The following TRMT11 variants were observed in gnomAD, a reference collection of about 807,000 sequenced individuals.
TRMT11 encodes the protein tRNA methyltransferase 11, also known as tRNA (guanine(10)-N(2))-methyltransferase TRMT11.
TRMT11 carries 53 observed loss-of-function variants against 62.8 expected under a neutral mutation model. The observed-to-expected ratio is 0.84, with a 90% CI of 0.68 to 1.06. The LOEUF is 1.06. Ranked by LOEUF, TRMT11 falls within the 50% of genes least tolerant of loss-of-function variation. The probability of loss-of-function intolerance (pLI) is 0.00; values close to 1 mark genes in which losing one functional copy is unlikely to be tolerated. For synonymous variants in TRMT11, 188 were observed against 190.3 expected (o/e 0.99, Z 0.10); for missense variants, 556 against 553.4 (o/e 1.00, Z -0.05).
chr6:126,221,663 A>G, the TRMT11 span, among the ~76,000 whole-genome samples: 2 of 152,158 alleles, frequency 1.3e-5, no homozygotes, highest in Non-Finnish European at 2.9e-5. Flanking sequence ...TGTTGGATGC[A>G]TAGTTTGCAA....
downstream of TRMT11, among the ~76,000 whole-genome samples, chr6:126,207,396 G>A (rs979058111): frequency 6.6e-6 from 1 of 152,184 alleles, no homozygotes; most frequent in Admixed American, 6.5e-5. Flanking sequence ...GATGGGAGAT[G>A]GGTAGGTGCA....
chr6:126,231,268 C>T, the TRMT11 span, among the ~76,000 whole-genome samples: 1 of 151,818 alleles, frequency 6.6e-6, no homozygotes, highest in Non-Finnish European at 1.5e-5. Flanking sequence ...TACAGTTGAC[C>T]CTTGAACAAT....
At chr6:126,125,875 T>C (rs1777712059) in intron 21 of TRMT11, among the ~76,000 whole-genome samples, 1 of 152,100 alleles carries the variant, frequency 6.6e-6, no homozygotes, top group Non-Finnish European at 1.5e-5. Flanking sequence ...GACTATATTG[T>C]CAACATTTAA....
intron 7 of TRMT11, among the ~76,000 whole-genome samples, chr6:126,005,779 C>G (rs1793255976): frequency 1.3e-5 from 2 of 152,004 alleles, no homozygotes; most frequent in African/African-American, 2.4e-5. Flanking sequence ...TTAATATGTG[C>G]AAGTGGATGC....
chr6:126,172,799 T>G (rs17053799), upstream of TRMT11, among the ~76,000 whole-genome samples: 8,388 of 152,182 alleles, frequency 0.055, 752 homozygotes, highest in African/African-American at 0.19. Flanking sequence ...TTTTTAAACT[T>G]ATGCTGTAAA....
chr6:125,999,498 C>A lies in TRMT11; in HGVS notation c.564C>A (p.Val188=). The change falls in exon 7 of 13, where the codon GTC becomes GTA. Residue 188 remains valine (V), a synonymous_variant. Coordinates refer to ENST00000334379, the MANE Select transcript of TRMT11 (RefSeq NM_001031712.3). ...GAGAGCTTATTGAGTCATACAGTGT[C>A]AAAAAGAGACACTTTATTGGAAATA... ...GQRELIESYS[V]KKRHFIGNTS... is the part of the protein sequence containing the mutation. 1 of 1,610,728 alleles carries A rather than the reference C, an allele frequency of 6.2e-7. No individual in the cohort carries two copies. Among genetic ancestry groups the A allele is most frequent in the South Asian group, 1.1e-5 (1 of 90,678 alleles).
Position 126,072,104 on chromosome 6 carries a change from C to T in TRMT11, c.*1437+18914C>T, listed in dbSNP as rs145564959. 1.4e-4 allele frequency among the ~76,000 whole-genome samples: 22 copies of T among 152,214 alleles called. No homozygotes were observed. In the East Asian group the frequency reaches 4.2e-3, roughly 29 times the overall value. On this transcript the variant is annotated intron_variant and NMD_transcript_variant, in intron 17 of 22. Coordinates refer to the TRMT11 transcript ENST00000648977. Reference sequence around the variant, plus strand: ...CCTAGTTCAGAGCAGGTTTAGAAACCACTGAGAGCCACTGTGATATAGTTA... The same window carrying T: ...CCTAGTTCAGAGCAGGTTTAGAAACTACTGAGAGCCACTGTGATATAGTTA...
intron 21 of TRMT11, among the ~76,000 whole-genome samples, chr6:126,142,270 G>C (rs1461880734): frequency 1.3e-5 from 2 of 152,038 alleles, no homozygotes; most frequent in Non-Finnish European, 2.9e-5. Flanking sequence ...GCTTTATAGA[G>C]CAAGGAGCAG....
chr6:126,065,592 C>T (rs1776665473), intron 17 of TRMT11, among the ~76,000 whole-genome samples: 1 of 152,168 alleles, frequency 6.6e-6, no homozygotes, highest in South Asian at 2.1e-4. Flanking sequence ...GACAGTTTCT[C>T]TGTGCCTCAG....
chr6:126,188,873 C>T (rs937850689), intron 1 of TRMT11, among the ~76,000 whole-genome samples: 2 of 151,984 alleles, frequency 1.3e-5, no homozygotes, highest in Non-Finnish European at 2.9e-5. Context: ...GTACATTTTA[C>T]AGTTGAGGAA....
At chr6:126,245,344 G>A in the TRMT11 span, among the ~76,000 whole-genome samples, 2 of 152,158 alleles carry the variant, frequency 1.3e-5, no homozygotes, top group Admixed American at 6.5e-5. Flanking sequence ...TATGGTGATG[G>A]GAGAAACTTG....
chr6:126,234,450 T>C, the TRMT11 span, among the ~76,000 whole-genome samples: 4 of 152,092 alleles, frequency 2.6e-5, no homozygotes, highest in Non-Finnish European at 4.4e-5. Flanking sequence ...AGATTTTAAA[T>C]ATATTGTTCA....
Position 126,126,930 on chromosome 6 carries a change from C to G in TRMT11, c.*1823+11075C>G, listed in dbSNP as rs796909463. Among the ~76,000 whole-genome samples the G allele has an allele frequency of 4.6e-5, 7 of 152,262 alleles. No individual in the cohort carries two copies. In the East Asian group the frequency reaches 5.8e-4, roughly 13 times the overall value. On this transcript the variant is annotated intron_variant and NMD_transcript_variant, in intron 21 of 22. Transcript: ENST00000648977. ...AAAATACATGAATAAGGATTTTCCT[C>G]TCTTCCTTAGGAAAAAAATAAATCT... is the stretch of plus-strand genomic sequence containing the variant.
At chr6:126,202,696 A>G (rs1778748328), downstream of TRMT11, among the ~76,000 whole-genome samples, 1 of 152,224 alleles carries the variant, frequency 6.6e-6, no homozygotes. Flanking sequence ...TAAAAATTAA[A>G]GTTTATATGT....
intron 21 of TRMT11, among the ~76,000 whole-genome samples, chr6:126,156,864 T>C (rs931149244): frequency 2.0e-5 from 3 of 152,110 alleles, no homozygotes; most frequent in African/African-American, 4.8e-5. Context: ...ATCTCCAACA[T>C]TGGAGATTAA....
chr6:126,269,848 C>T, the TRMT11 span, among the ~76,000 whole-genome samples: 1 of 152,048 alleles, frequency 6.6e-6, no homozygotes, highest in Non-Finnish European at 1.5e-5. Context: ...AATAAGGAAA[C>T]AAATATGTAT....
At chr6:126,017,312 C>T (rs1208997621) in intron 11 of TRMT11, among the ~76,000 whole-genome samples, 1 of 152,106 alleles carries the variant, frequency 6.6e-6, no homozygotes, top group Non-Finnish European at 1.5e-5. Flanking sequence ...ATTATTTTAA[C>T]CCAGGATTGA....
At position 126,021,283 on chromosome 6, in the gene TRMT11, A is replaced by G. The variant is rs749467634; in HGVS notation, c.1260+3A>G. 2.0e-5 allele frequency: 32 copies of G among 1,613,212 alleles called. No homozygotes were observed. Among genetic ancestry groups the G allele is most frequent in the African/African-American group, 2.7e-5 (2 of 74,946 alleles). On this transcript the variant is annotated splice_donor_region_variant and intron_variant, in intron 12 of 12. Transcript: ENST00000334379. ...TGGAAAAGGTGAAGAAATTTGAGGTAAATTGCTTCAGTATTTTTGGGATAA... is the reference window on the plus strand; with the variant it reads ...TGGAAAAGGTGAAGAAATTTGAGGTGAATTGCTTCAGTATTTTTGGGATAA...
At chr6:126,016,792 A>G (rs556164920) in intron 11 of TRMT11, among the ~76,000 whole-genome samples, 1 of 150,816 alleles carries the variant, frequency 6.6e-6, no homozygotes, top group African/African-American at 2.4e-5. Flanking sequence ...GGTGGCATTT[A>G]TTTCCCTGAG....
Sources: allele counts gnomAD v4.1 joint callset (sites outside exome capture counted in the v4.1 genomes callset), GRCh38; gene constraint gnomAD v4.1.1; transcripts MANE v1.5; gene names NCBI Gene and HGNC (gene_info 2026-07-23, HGNC 2026-07-21).